SSBP3: variants seen among roughly 807,000 people sequenced by gnomAD.
SSBP3 encodes the protein single-stranded DNA-binding protein 3.
Under a neutral mutation model 69.6 loss-of-function variants are expected in SSBP3, and 5 were observed. That is an observed-to-expected ratio of 0.07 (90% CI 0.04 to 0.15). SSBP3 has a LOEUF of 0.15. Ranked by LOEUF, SSBP3 falls within the 10% of genes least tolerant of loss-of-function variation. The pLI is 1.00. For synonymous variants in SSBP3, 196 were observed against 193.4 expected, an observed-to-expected ratio of 1.01 and a Z score of -0.11; for missense variants, 312 against 534.0, an observed-to-expected ratio of 0.58 and a Z score of 4.10.
intron 4 of SSBP3, among the ~76,000 whole-genome samples, chr1:54,366,718 G>A (rs1200058632): frequency 6.6e-5 from 10 of 152,170 alleles, no homozygotes; most frequent in Admixed American, 6.5e-4. Flanking sequence ...TTTAACAAAA[G>A]AAGTACTTAG....
At chr1:54,268,023 T>A (rs1406072185) in intron 5 of SSBP3, among the ~76,000 whole-genome samples, 1 of 152,256 alleles carries the variant, frequency 6.6e-6, no homozygotes, top group East Asian at 1.9e-4. Context: ...TGGGCCACCA[T>A]GCCCATCTCC....
At chr1:54,406,776 G>A (rs1649809257), upstream of SSBP3, among the ~76,000 whole-genome samples, 1 of 151,938 alleles carries the variant, frequency 6.6e-6, no homozygotes, top group Non-Finnish European at 1.5e-5. Context: ...ATGGGAGGGG[G>A]CGCAGACCCC....
intron 4 of SSBP3, among the ~76,000 whole-genome samples, chr1:54,369,873 C>T (rs1167539621): frequency 6.6e-6 from 1 of 152,102 alleles, no homozygotes; most frequent in African/African-American, 2.4e-5. Context: ...AACATTGCTC[C>T]ATTTTTTTTT....
At chr1:54,404,587 G>A (rs1197642328) in exon 3 of SSBP3, 1 of 1,613,560 alleles carries the variant, frequency 6.2e-7, no homozygotes, top group East Asian at 2.2e-5. Context: ...ACCACCACGA[G>A]TGCAAAAACC....
At chr1:54,268,146 G>C (rs973996704) in intron 5 of SSBP3, among the ~76,000 whole-genome samples, 12 of 152,366 alleles carry the variant, frequency 7.9e-5, no homozygotes, top group Admixed American at 7.2e-4. Context: ...GACAAGCCTG[G>C]AGAGGAAGAG....
At chr1:54,369,758 C>G in intron 4 of SSBP3, among the ~76,000 whole-genome samples, 1 of 151,908 alleles carries the variant, frequency 6.6e-6, no homozygotes, top group South Asian at 2.1e-4. Flanking sequence ...ACGCTCAGAA[C>G]AGAATCAGAT....
intron 4 of SSBP3, among the ~76,000 whole-genome samples, chr1:54,367,885 G>A (rs1647054190): frequency 1.3e-5 from 2 of 152,178 alleles, no homozygotes; most frequent in African/African-American, 2.4e-5. Flanking sequence ...TTTACATTAT[G>A]AGAAAGCTGA....
At position 54,289,007 on chromosome 1, in the gene SSBP3, T is replaced by A. The variant is rs112769169; in HGVS notation, c.277-7480A>T. 5.2e-3 allele frequency among the ~76,000 whole-genome samples: 601 copies of A among 115,164 alleles called. 1 individual carries two copies. The highest frequency in any genetic ancestry group is 9.3e-3 in the Middle Eastern group (1 of 108). 75.6% of individuals were successfully genotyped at this position (115,164 alleles called of 152,430 possible). On this transcript the variant is annotated intron_variant, in intron 4 of 17. Transcript: ENST00000610401. ...TGCACTCCAGCCTGGGCGACAGAGCTAGACTCTGTCTCCAAAAAAAAAAAA... is the reference window on the plus strand; with the variant it reads ...TGCACTCCAGCCTGGGCGACAGAGCAAGACTCTGTCTCCAAAAAAAAAAAA...
chr1:54,258,863 C>A lies in SSBP3; in HGVS notation c.367-714G>T, dbSNP rs28502724. On this transcript the variant is annotated intron_variant, in intron 5 of 17. Transcript: ENST00000610401. The surrounding 1 kb of genome is among the most constrained non-coding windows in gnomAD (Gnocchi z 4.5). ...TGCACTTCAAAGCAGCCCTGTGAGG[C>A]GGGGTTTCTCATTCCAATTTTTACT... 2.0e-5 allele frequency among the ~76,000 whole-genome samples: 3 copies of A among 152,162 alleles called. No individual in the cohort carries two copies. The highest frequency in any genetic ancestry group is 7.2e-5 in the African/African-American group (3 of 41,452).
chr1:54,377,312 TC>T (rs573367209), intron 4 of SSBP3, among the ~76,000 whole-genome samples: 198 of 152,332 alleles, frequency 1.3e-3, no homozygotes, highest in African/African-American at 4.6e-3. Flanking sequence ...TCAAGGTTAC[TC>T]CGTAAACCCG....
chr1:54,367,311 C>T (rs1219410165), intron 4 of SSBP3, among the ~76,000 whole-genome samples: 1 of 152,152 alleles, frequency 6.6e-6, no homozygotes, highest in African/African-American at 2.4e-5. Context: ...CAGGCATGAT[C>T]CAGGCAATAA....
intron 4 of SSBP3, among the ~76,000 whole-genome samples, chr1:54,341,624 T>G (rs1008242459): frequency 1.3e-5 from 2 of 151,862 alleles, no homozygotes; most frequent in Non-Finnish European, 2.9e-5. Flanking sequence ...TTCCCAGAGC[T>G]TAATTGCTAC....
At chr1:54,294,161 AAGAAAGAAAGAAAGAAAG>A (rs1645660704) in intron 4 of SSBP3, among the ~76,000 whole-genome samples, 2 of 70,470 alleles carry the variant, frequency 2.8e-5, no homozygotes, top group Admixed American at 2.3e-4. Flanking sequence ...AAAAAAAAAA[AAGAAAGAAAGAAAGAAAG>A]AAAGAAAGAA....
rs1482161090 is a variant in SSBP3 at position 54,241,957 on chromosome 1, G to A, written c.765+207C>T. 2.6e-5 allele frequency among the ~76,000 whole-genome samples: 4 copies of A among 152,164 alleles called. No individual in the cohort carries two copies. The East Asian group carries it at 7.7e-4, about 29-fold the overall frequency. ...TACTCCTTAGAGGAGTGGGCTGGCT[G>A]GGCAGGCAGGGCAGGGGTGGAGCCC... On this transcript the variant is annotated intron_variant, in intron 11 of 17. Coordinates refer to ENST00000610401, the Ensembl canonical transcript of SSBP3.
chr1:54,244,372 G>A (rs1445249282), intron 9 of SSBP3, among the ~76,000 whole-genome samples: 2 of 152,160 alleles, frequency 1.3e-5, no homozygotes. Context: ...AAAGTGCTGG[G>A]ATTACAGGTG....
intron 4 of SSBP3, among the ~76,000 whole-genome samples, chr1:54,337,588 G>A (rs529749374): frequency 4.6e-5 from 6 of 130,278 alleles, no homozygotes; most frequent in African/African-American, 1.5e-4. Context: ...ACCTCCCTCC[G>A]TCTCCCGGGT....
chr1:54,347,390 G>A (rs1026170916), intron 4 of SSBP3, among the ~76,000 whole-genome samples: 20 of 151,234 alleles, frequency 1.3e-4, no homozygotes, highest in Non-Finnish European at 2.2e-4. Flanking sequence ...AAAAAAAGAT[G>A]GGGTCTTGCT....
chr1:54,238,794 G>A, intron 14 of SSBP3: 1 of 354,118 alleles, frequency 2.8e-6, no homozygotes, highest in South Asian at 2.8e-5. Flanking sequence ...CCGGGCCACA[G>A]CCAGTTTGCT....
At chr1:54,364,516 T>C (rs1646999034) in intron 4 of SSBP3, among the ~76,000 whole-genome samples, 1 of 152,162 alleles carries the variant, frequency 6.6e-6, no homozygotes, top group African/African-American at 2.4e-5. Context: ...GGGGTGAGGC[T>C]TCTCAAAACA....
Sources: gnomAD v4.1 joint callset for allele counts (sites outside exome capture counted in the v4.1 genomes callset) on GRCh38, gnomAD v4.1.1 for gene constraint, Gnocchi (gnomAD v3.1) non-coding constraint, MANE v1.5 for transcripts, NCBI Gene and HGNC (gene_info 2026-07-23, HGNC 2026-07-21) for gene names.